Variants in PDLIM5 observed in about 807,000 individuals in gnomAD.
PDLIM5 encodes PDZ and LIM domain protein 5.
Under a neutral mutation model 64.2 loss-of-function variants are expected in PDLIM5, and 34 were observed. The ratio of observed to expected loss-of-function variants is 0.53; its 90% CI spans 0.40 to 0.71. The LOEUF (loss-of-function observed/expected upper bound fraction) is 0.71. Ranked by LOEUF, PDLIM5 falls within the 30% of genes least tolerant of loss-of-function variation. The pLI is 0.00. For missense variants in PDLIM5, 683 were observed against 733.6 expected (o/e 0.93, Z 0.80); for synonymous variants, 253 against 269.1 (o/e 0.94, Z 0.59).
intron 3 of PDLIM5, among the ~76,000 whole-genome samples, chr4:94,567,017 G>A (rs1037417734): frequency 1.3e-5 from 2 of 152,104 alleles, no homozygotes; most frequent in African/African-American, 2.4e-5. Context: ...TTTATGAGAC[G>A]GAGTCTCGCT....
At chr4:94,500,040 T>C (rs1352381670) in intron 2 of PDLIM5, among the ~76,000 whole-genome samples, 1 of 152,192 alleles carries the variant, frequency 6.6e-6, no homozygotes, top group Non-Finnish European at 1.5e-5. Flanking sequence ...TGAGCACCTG[T>C]AGAATTTTGT....
chr4:94,580,426 A>G (rs939882792), intron 5 of PDLIM5, among the ~76,000 whole-genome samples: 2 of 152,148 alleles, frequency 1.3e-5, no homozygotes, highest in Non-Finnish European at 2.9e-5. Flanking sequence ...TTTTTTATAT[A>G]TAGGAATATT....
intron 2 of PDLIM5, among the ~76,000 whole-genome samples, chr4:94,459,122 G>A (rs977488848): frequency 6.6e-6 from 1 of 152,126 alleles, no homozygotes; most frequent in Non-Finnish European, 1.5e-5. Flanking sequence ...TAGGAGACTT[G>A]TTGGATAATT....
Position 94,657,677 on chromosome 4 carries a change from T to C in PDLIM5, c.1585+130T>C. 9 of 633,412 alleles carry C rather than the reference T, an allele frequency of 1.4e-5. No individual in the cohort carries two copies. The South Asian group carries it at 2.8e-4, about 20-fold the overall frequency. 39.2% of individuals were successfully genotyped at this position (633,412 alleles called of 1,614,324 possible). ...TAATTGTTTTGGAAGCATTTAATGC[T>C]GCTCTAAGCATGTAGAAAAAACTAT... On this transcript the variant is annotated intron_variant, in intron 11 of 12. Transcript: ENST00000317968.
intron 9 of PDLIM5, among the ~76,000 whole-genome samples, chr4:94,642,370 A>G (rs1448924220): frequency 6.6e-6 from 1 of 152,168 alleles, no homozygotes; most frequent in Admixed American, 6.5e-5. Flanking sequence ...ATATGGAGAA[A>G]ATGTGAAGAT....
At chr4:94,602,575 C>T (rs573275247) in intron 7 of PDLIM5, among the ~76,000 whole-genome samples, 1 of 152,272 alleles carries the variant, frequency 6.6e-6, no homozygotes, top group African/African-American at 2.4e-5. Context: ...GCCTCAGCCT[C>T]CCGAGTAGCT....
chr4:94,577,231 T>G (rs1036344190), intron 5 of PDLIM5: 8 of 457,018 alleles, frequency 1.8e-5, no homozygotes, highest in Non-Finnish European at 3.5e-5. Context: ...AAAATATAAT[T>G]AAAATACTTG....
At chr4:94,604,236 A>C (rs1182132887) in intron 7 of PDLIM5, among the ~76,000 whole-genome samples, 1 of 152,240 alleles carries the variant, frequency 6.6e-6, no homozygotes, top group Non-Finnish European at 1.5e-5. Flanking sequence ...CCAGACACTA[A>C]GTAAAATGAG....
At chr4:94,469,325 G>T (rs865947847) in intron 2 of PDLIM5, among the ~76,000 whole-genome samples, 1 of 152,312 alleles carries the variant, frequency 6.6e-6, no homozygotes, top group Middle Eastern at 3.4e-3. Flanking sequence ...GTGTTTAGGG[G>T]TAAGAGTTTC....
At chr4:94,630,478 G>A (rs1056316689) in intron 8 of PDLIM5, among the ~76,000 whole-genome samples, 4 of 152,018 alleles carry the variant, frequency 2.6e-5, no homozygotes, top group Non-Finnish European at 4.4e-5. Context: ...GGGTTCAAGC[G>A]ATTCTCCTGC....
intron 7 of PDLIM5, among the ~76,000 whole-genome samples, chr4:94,611,816 C>T (rs984172415): frequency 6.6e-6 from 1 of 152,150 alleles, no homozygotes; most frequent in Non-Finnish European, 1.5e-5. Flanking sequence ...AACGTAAAAT[C>T]AGTGGCAAAG....
chr4:94,634,177 T>A (rs917241031), intron 8 of PDLIM5, among the ~76,000 whole-genome samples: 1 of 152,116 alleles, frequency 6.6e-6, no homozygotes, highest in Non-Finnish European at 1.5e-5. Context: ...AACCCTCCAA[T>A]TATATACTGA....
chr4:94,476,078 A>G lies in PDLIM5; in HGVS notation c.96+20694A>G, dbSNP rs768612714. 6.3e-4 allele frequency among the ~76,000 whole-genome samples: 96 copies of G among 152,236 alleles called. 1 individual carries two copies. The highest frequency in any genetic ancestry group is 2.2e-3 in the Admixed American group (33 of 15,292). On this transcript the variant is annotated intron_variant, in intron 2 of 12. Coordinates refer to ENST00000317968, the MANE Select transcript of PDLIM5 (RefSeq NM_006457.5). ...GTTGTATCGTTTCTAAGCTAAAAACAAATATGTCATAAATATAATTCATGC... is the reference window on the plus strand; with the variant it reads ...GTTGTATCGTTTCTAAGCTAAAAACGAATATGTCATAAATATAATTCATGC...
chr4:94,460,033 T>C lies in PDLIM5; in HGVS notation c.96+4649T>C, dbSNP rs186745740. On this transcript the variant is annotated intron_variant, in intron 2 of 12. Coordinates refer to ENST00000317968, the MANE Select transcript of PDLIM5 (RefSeq NM_006457.5). ...GAATAAATGGGCCCATTGTTAATTTTAAGCTCTTGAGTATTTTCTTTTATA... is the reference window on the plus strand; with the variant it reads ...GAATAAATGGGCCCATTGTTAATTTCAAGCTCTTGAGTATTTTCTTTTATA... 9.6e-4 allele frequency among the ~76,000 whole-genome samples: 146 copies of C among 152,324 alleles called. 1 individual carries two copies. Among genetic ancestry groups the C allele is most frequent in the Non-Finnish European group, 1.7e-3 (118 of 68,030 alleles).
rs1403393120 is a variant in PDLIM5 at position 94,668,117 on chromosome 4, T to C, written c.*4050T>C. On this transcript the variant is annotated 3_prime_UTR_variant, in exon 13 of 13. Transcript: ENST00000317968. Reference sequence around the variant, plus strand: ...TAATTTTGTATATCTGCTGTTTTGCTTTTGGATACATTTTCTAATTAGAAG... The same window carrying C: ...TAATTTTGTATATCTGCTGTTTTGCCTTTGGATACATTTTCTAATTAGAAG... 6.6e-6 allele frequency: 1 copy of C among 152,222 alleles called. No homozygotes were observed. Among genetic ancestry groups the C allele is most frequent in the African/African-American group, 2.4e-5 (1 of 41,460 alleles). The allele number at this position is 152,222 out of a possible 1,614,324, so 9.4% of individuals were successfully genotyped here. A position where few individuals can be genotyped will look rare whatever the true frequency, so the allele number is the denominator to read the frequency against.
chr4:94,582,980 A>G, intron 5 of PDLIM5: 1 of 408,658 alleles, frequency 2.4e-6, no homozygotes, highest in Non-Finnish European at 4.4e-6. Flanking sequence ...ATAGATGAGT[A>G]TTATGGACAG....
chr4:94,545,195 C>G (rs1732200451), intron 3 of PDLIM5, among the ~76,000 whole-genome samples: 1 of 152,180 alleles, frequency 6.6e-6, no homozygotes, highest in African/African-American at 2.4e-5. Flanking sequence ...GTTCGAATGT[C>G]TGTGATTTTC....
chr4:94,665,874 T>C lies in PDLIM5; in HGVS notation c.*1807T>C. On this transcript the variant is annotated 3_prime_UTR_variant, in exon 13 of 13. Transcript: ENST00000317968. Reference sequence around the variant, plus strand: ...GGGAGTTTAATTACTCAGATTGGCCTGTTATTTGATTTCCTCCTTTGGGAA... The same window carrying C: ...GGGAGTTTAATTACTCAGATTGGCCCGTTATTTGATTTCCTCCTTTGGGAA... The C allele has an allele frequency of 7.1e-7, 1 of 1,414,554 alleles. No homozygotes were observed. The highest frequency in any genetic ancestry group is 9.2e-7 in the Non-Finnish European group (1 of 1,091,178). The allele number at this position is 1,414,554 out of a possible 1,614,324, so 87.6% of individuals were successfully genotyped here. A position where few individuals can be genotyped will look rare whatever the true frequency, so the allele number is the denominator to read the frequency against.
chr4:94,532,077 A>G lies in PDLIM5; in HGVS notation c.248+8202A>G, dbSNP rs188246871. On this transcript the variant is annotated intron_variant, in intron 3 of 12. Transcript: ENST00000317968. ...CCAAATTTATAACCCTATTGACTAT[A>G]TTTGCTAGTTCATTCCTATGCTTCT... Among the ~76,000 whole-genome samples the G allele has an allele frequency of 2.0e-5, 3 of 152,228 alleles. No individual in the cohort carries two copies. In the East Asian group the frequency reaches 5.8e-4, roughly 29 times the overall value.
Sources: allele counts gnomAD v4.1 joint callset (sites outside exome capture counted in the v4.1 genomes callset), GRCh38; gene constraint gnomAD v4.1.1; transcripts MANE v1.5; gene names NCBI Gene and HGNC (gene_info 2026-07-23, HGNC 2026-07-21).